SCPEP1: variants seen among roughly 807,000 people sequenced by gnomAD.
The protein encoded by SCPEP1 is serine carboxypeptidase 1.
SCPEP1 carries 51 observed loss-of-function variants against 63.8 expected under a neutral mutation model. That is an observed-to-expected ratio of 0.80 (90% CI 0.64 to 1.01). SCPEP1 has a LOEUF of 1.01. Ranked by LOEUF, SCPEP1 falls within the 50% of genes least tolerant of loss-of-function variation. The probability of loss-of-function intolerance (pLI) is 0.00; values close to 1 mark genes in which losing one functional copy is unlikely to be tolerated. For missense variants in SCPEP1, 499 were observed against 554.9 expected (o/e 0.90, Z 1.01); for synonymous variants, 204 against 207.8 (o/e 0.98, Z 0.16).
chr17:57,002,850 G>C (rs890265608), intron 12 of SCPEP1, among the ~76,000 whole-genome samples: 2 of 150,948 alleles, frequency 1.3e-5, no homozygotes. Context: ...ACTCCAGCCT[G>C]GGTGACAGAG....
At chr17:56,995,067 T>C (rs1394309257) in intron 7 of SCPEP1, 49 bp downstream of exon 7, 1 of 1,529,852 alleles carries the variant, frequency 6.5e-7, no homozygotes, top group South Asian at 1.1e-5. Context: ...CCAGCAGATC[T>C]CTTCTGGCTG....
Position 56,978,216 on chromosome 17 carries a change from G to C in SCPEP1, c.57G>C (p.Leu19=), listed in dbSNP as rs1220982209. 1.3e-6 allele frequency: 2 copies of C among 1,557,808 alleles called. No homozygotes were observed. The highest frequency in any genetic ancestry group is 4.7e-5 in the East Asian group (2 of 42,686). ...CGCGGTGGTTGCTGCTGCTGCCGCT[G>C]CTGCTGGGCCTGAACGCAGGTAGGT... ...PVPRWLLLLP[L]LLGLNAGAVI... The change falls in exon 1 of 13, where the codon CTG becomes CTC. Residue 19 remains leucine, a synonymous_variant. Coordinates refer to ENST00000262288, the MANE Select transcript of SCPEP1 (RefSeq NM_021626.3).
At position 56,988,295 on chromosome 17, in the gene SCPEP1, T is replaced by C. The variant is rs1383577566; in HGVS notation, c.546+5T>C. On this transcript the variant is annotated splice_donor_5th_base_variant and intron_variant, in intron 5 of 12. Transcript: ENST00000262288. ...ATTGGTCTAGAGCTTTATAAGGTAA[T>C]GGAAAATAACTTTGTTGTTATGGTT... 4.4e-6 allele frequency: 7 copies of C among 1,602,842 alleles called. No homozygotes were observed. The highest frequency in any genetic ancestry group is 4.3e-6 in the Non-Finnish European group (5 of 1,172,548).
intron 1 of SCPEP1, among the ~76,000 whole-genome samples, chr17:56,980,298 A>G (rs909525434): frequency 1.3e-5 from 2 of 152,102 alleles, no homozygotes; most frequent in African/African-American, 2.4e-5. Flanking sequence ...CATTTTTTGT[A>G]GAGATGGGGT....
intron 12 of SCPEP1, among the ~76,000 whole-genome samples, chr17:57,005,477 G>C (rs1444893140): frequency 6.6e-6 from 1 of 152,128 alleles, no homozygotes; most frequent in Non-Finnish European, 1.5e-5. Flanking sequence ...CACCTTGCCT[G>C]TGCCTCCTGG....
chr17:56,985,537 G>A, intron 3 of SCPEP1, 70 bp downstream of exon 3: 2 of 1,154,666 alleles, frequency 1.7e-6, no homozygotes, highest in Non-Finnish European at 2.6e-6. Context: ...AACTCTGGGA[G>A]GGGCCACAAA....
At chr17:56,998,580 G>C (rs116631490) in intron 10 of SCPEP1, 82 bp downstream of exon 10, 1 of 1,067,486 alleles carries the variant, frequency 9.4e-7, no homozygotes, top group Non-Finnish European at 1.4e-6. Context: ...GAATTTGTAG[G>C]GTGGGTTTTG....
At chr17:57,001,167 C>T (rs534052137) in intron 11 of SCPEP1, among the ~76,000 whole-genome samples, 175 bp downstream of exon 11, 3 of 152,228 alleles carry the variant, frequency 2.0e-5, no homozygotes, top group South Asian at 4.1e-4. Flanking sequence ...GGGAGCTGCA[C>T]GTGGCTGTGA....
At chr17:56,981,053 T>C (rs1428207041) in intron 1 of SCPEP1, 29 bp from the exon 2 acceptor site, 2 of 1,613,160 alleles carry the variant, frequency 1.2e-6, no homozygotes. Flanking sequence ...GGCACTCTTC[T>C]GGAGAGTGAA....
chr17:56,998,996 AGGAGTTGGTAG>A (rs1307417836), intron 10 of SCPEP1, among the ~76,000 whole-genome samples: 2 of 152,034 alleles, frequency 1.3e-5, no homozygotes, highest in East Asian at 3.8e-4. Context: ...ATTCAAAATA[AGGAGTTGGTAG>A]GGAGCTGAGT....
At chr17:57,005,368 T>A (rs1911853879) in intron 12 of SCPEP1, among the ~76,000 whole-genome samples, 1 of 152,164 alleles carries the variant, frequency 6.6e-6, no homozygotes, top group Admixed American at 6.5e-5. Context: ...GAACAACAGA[T>A]CAGTTGGGGA....
In SCPEP1 at chr17:56,995,493, G is replaced by C. The variant is rs373278405; in HGVS notation, c.658-14G>C. 9 of 1,606,586 alleles carry C rather than the reference G, an allele frequency of 5.6e-6. No homozygotes were observed. Among genetic ancestry groups the C allele is most frequent in the Non-Finnish European group, 1.7e-6 (2 of 1,177,700 alleles). On this transcript the variant is annotated splice_polypyrimidine_tract_variant and intron_variant, in intron 7 of 12. Transcript: ENST00000262288. ...AAGTAAAGTGGGTCTTTTTGCTCTT[G>C]GTTTGCATTCCAGTCTCTTCTCGAA...
Position 56,998,362 on chromosome 17 carries a change from ACTAT to A in SCPEP1, c.881-19_881-16del. 3 of 1,555,442 alleles carry A rather than the reference ACTAT, an allele frequency of 1.9e-6. No individual in the cohort carries two copies. Among genetic ancestry groups the A allele is most frequent in the Admixed American group, 1.7e-5 (1 of 59,736 alleles). ...GGCCTTACTTCCAGCCCTTTGACTCACTATCTACCAGTTTGGTTTTAGTTTGTCT... is the reference window on the plus strand; with the variant it reads ...GGCCTTACTTCCAGCCCTTTGACTCACTACCAGTTTGGTTTTAGTTTGTCT... On this transcript the variant is annotated intron_variant, in intron 9 of 12. Coordinates refer to ENST00000262288, the MANE Select transcript of SCPEP1 (RefSeq NM_021626.3).
chr17:56,986,145 T>A (rs1045657409), intron 3 of SCPEP1, among the ~76,000 whole-genome samples: 1 of 152,084 alleles, frequency 6.6e-6, no homozygotes, highest in Non-Finnish European at 1.5e-5. Context: ...CTGCACCTAT[T>A]GCTATGAATG....
intron 10 of SCPEP1, among the ~76,000 whole-genome samples, 178 bp from the exon 11 acceptor site, chr17:57,000,677 T>C (rs1165951536): frequency 6.6e-6 from 1 of 152,236 alleles, no homozygotes; most frequent in Non-Finnish European, 1.5e-5. Context: ...GTGCTATTTA[T>C]GTGTGCCTTA....
Position 56,991,155 on chromosome 17 carries a change from C to A in SCPEP1, c.603C>A (p.Ser201=), listed in dbSNP as rs759422981. The change falls in exon 6 of 13, where the codon TCC becomes TCA. Residue 201 remains serine, a synonymous_variant. Transcript: ENST00000262288. ...TTGCGGGGGTTGCCTTGGGTGATTC[C>A]TGGATCTCCCCTGTTGGTAAGTGTG... ...CNFAGVALGD[S]WISPVDSVLS... is the part of the protein sequence containing the mutation. 6.2e-7 allele frequency: 1 copy of A among 1,613,608 alleles called. No homozygotes were observed.
intron 3 of SCPEP1, among the ~76,000 whole-genome samples, chr17:56,985,736 C>T (rs1466834295): frequency 1.3e-5 from 2 of 152,134 alleles, no homozygotes; most frequent in African/African-American, 4.8e-5. Flanking sequence ...CTACAGCAGA[C>T]ACCTGGGACC....
At chr17:57,005,524 T>C (rs1381464981) in intron 12 of SCPEP1, among the ~76,000 whole-genome samples, 1 of 152,126 alleles carries the variant, frequency 6.6e-6, no homozygotes, top group Non-Finnish European at 1.5e-5. Context: ...GGGTGTGCCA[T>C]AGAGAATCAT....
chr17:56,984,089 T>C (rs1357464677), intron 2 of SCPEP1: 3 of 152,064 alleles, frequency 2.0e-5, no homozygotes, highest in Non-Finnish European at 4.4e-5. Context: ...CTGTTCTTAG[T>C]AGACGCAAGG....
Sources: allele counts gnomAD v4.1 joint callset (sites outside exome capture counted in the v4.1 genomes callset), GRCh38; gene constraint gnomAD v4.1.1; transcripts MANE v1.5; gene names NCBI Gene and HGNC (gene_info 2026-07-23, HGNC 2026-07-21).